The following AIG1 variants were observed in gnomAD, a reference collection of about 807,000 sequenced individuals.
The protein encoded by AIG1 is androgen-induced gene 1 protein.
Under a neutral mutation model 31.4 loss-of-function variants are expected in AIG1, and 23 were observed. The observed-to-expected ratio is 0.73, with a 90% CI of 0.53 to 1.04. The LOEUF (loss-of-function observed/expected upper bound fraction) is 1.04, where lower values mean the gene tolerates loss of function less well. Among genes scored for constraint, AIG1 ranks in the 50% least tolerant of loss-of-function variants. The pLI, the probability that AIG1 is intolerant of heterozygous loss-of-function variation, is 0.00. For synonymous variants in AIG1, 100 were observed against 110.5 expected (o/e 0.90, Z 0.60); for missense variants, 274 against 295.0 (o/e 0.93, Z 0.52).
At position 143,291,901 on chromosome 6, in the gene AIG1, G is replaced by C. The variant is rs549241452; in HGVS notation, c.515+7676G>C. Among the ~76,000 whole-genome samples the C allele has an allele frequency of 2.0e-5, 3 of 152,306 alleles. No individual in the cohort carries two copies. The highest frequency in any genetic ancestry group is 2.0e-4 in the Admixed American group (3 of 15,296). ...GAAGGTTTGGACAGAGACTTGACAT[G>C]AACTGAGACATTTCTAAGGAATCAC... On this transcript the variant is annotated intron_variant, in intron 4 of 5. Coordinates refer to ENST00000357847, the MANE Select transcript of AIG1 (RefSeq NM_016108.4). This position sits in a 1 kb window ranked among gnomAD's most constrained non-coding sequence, Gnocchi z 4.2.
chr6:143,196,376 C>T (rs1790234958), intron 3 of AIG1, among the ~76,000 whole-genome samples: 1 of 149,982 alleles, frequency 6.7e-6, no homozygotes, highest in Non-Finnish European at 1.5e-5. Flanking sequence ...CACACACACA[C>T]ACACACACAC....
At chr6:143,160,919 T>C (rs564801380) in intron 2 of AIG1, among the ~76,000 whole-genome samples, 1 of 152,302 alleles carries the variant, frequency 6.6e-6, no homozygotes, top group East Asian at 1.9e-4. Flanking sequence ...ATTCCCTCAA[T>C]ATAAGGTAGG....
At chr6:143,083,297 T>C (rs973349393) in intron 1 of AIG1, among the ~76,000 whole-genome samples, 2 of 152,178 alleles carry the variant, frequency 1.3e-5, no homozygotes, top group African/African-American at 4.8e-5. Flanking sequence ...AGTGTCCAAG[T>C]ATGAGAACTG....
At chr6:143,250,029 C>T (rs1794904587) in intron 3 of AIG1, among the ~76,000 whole-genome samples, 1 of 152,232 alleles carries the variant, frequency 6.6e-6, no homozygotes, top group Non-Finnish European at 1.5e-5. Flanking sequence ...AAGGAAACTG[C>T]ATGTGTGGCA....
chr6:143,336,626 G>A (rs1777511901), intron 5 of AIG1, among the ~76,000 whole-genome samples: 1 of 152,200 alleles, frequency 6.6e-6, no homozygotes, highest in South Asian at 2.1e-4. Flanking sequence ...ACAGAGTTCA[G>A]CTCATAATAC....
At chr6:143,158,784 TA>T (rs1214529867) in intron 2 of AIG1, among the ~76,000 whole-genome samples, 1 of 152,136 alleles carries the variant, frequency 6.6e-6, no homozygotes, top group Non-Finnish European at 1.5e-5. Context: ...TTTAGGTCGA[TA>T]GGAAGAAAAG....
At chr6:143,188,833 C>T in intron 3 of AIG1, 1 of 985,188 alleles carries the variant, frequency 1.0e-6, no homozygotes, top group Non-Finnish European at 1.2e-6. Context: ...CAGAACATTC[C>T]TTTTTACACT....
At chr6:143,131,128 T>C (rs1238631380) in intron 1 of AIG1, among the ~76,000 whole-genome samples, 3 of 152,254 alleles carry the variant, frequency 2.0e-5, no homozygotes, top group Non-Finnish European at 4.4e-5. Context: ...TGCCTTTGCA[T>C]TGGAGAGCTT....
intron 1 of AIG1, among the ~76,000 whole-genome samples, chr6:143,071,962 AT>A (rs149137916): frequency 4.7e-5 from 7 of 148,364 alleles, no homozygotes; most frequent in African/African-American, 7.4e-5. Flanking sequence ...TTTTTTTTAA[AT>A]TTTTTTTTTG....
At chr6:143,282,143 T>G (rs1797378861) in intron 3 of AIG1, among the ~76,000 whole-genome samples, 2 of 152,176 alleles carry the variant, frequency 1.3e-5, no homozygotes, top group African/African-American at 4.8e-5. Flanking sequence ...ATACAACCAA[T>G]ATATATTTAT....
intron 3 of AIG1, among the ~76,000 whole-genome samples, chr6:143,214,356 A>G (rs1208722141): frequency 1.3e-5 from 2 of 152,190 alleles, no homozygotes; most frequent in African/African-American, 4.8e-5. Context: ...CAAGTCATTT[A>G]ACCTTTCTGA....
At chr6:143,117,206 G>A (rs576969085) in intron 1 of AIG1, among the ~76,000 whole-genome samples, 8 of 152,250 alleles carry the variant, frequency 5.3e-5, no homozygotes, top group East Asian at 3.9e-4. Flanking sequence ...GGAGCAGAGC[G>A]TGTATGGGGT....
At chr6:143,122,649 G>A (rs1001589393) in intron 1 of AIG1, among the ~76,000 whole-genome samples, 3 of 152,080 alleles carry the variant, frequency 2.0e-5, no homozygotes, top group African/African-American at 7.2e-5. Flanking sequence ...ACAATTTACA[G>A]TAACATAATG....
chr6:143,068,027 G>A (rs989623504), intron 1 of AIG1, among the ~76,000 whole-genome samples: 3 of 152,098 alleles, frequency 2.0e-5, no homozygotes, highest in Non-Finnish European at 2.9e-5. Flanking sequence ...CATAAAATAG[G>A]GGCCTGGTTT....
intron 1 of AIG1, among the ~76,000 whole-genome samples, chr6:143,105,486 T>C (rs1477452115): frequency 1.3e-5 from 2 of 152,240 alleles, no homozygotes; most frequent in Non-Finnish European, 2.9e-5. Flanking sequence ...CTGGAATGCT[T>C]TTCTCAAGCT....
chr6:143,302,854 G>T (rs543915658), intron 4 of AIG1, among the ~76,000 whole-genome samples: 1 of 152,320 alleles, frequency 6.6e-6, no homozygotes, highest in South Asian at 2.1e-4. Context: ...GTGTAAAAGT[G>T]TGCCTATTTC....
At chr6:143,235,989 G>A (rs1048165865) in intron 3 of AIG1, among the ~76,000 whole-genome samples, 2 of 152,208 alleles carry the variant, frequency 1.3e-5, no homozygotes, top group Admixed American at 6.5e-5. Flanking sequence ...GAAGGGAGGA[G>A]ATGAGAAGAC....
chr6:143,284,078 A>G lies in AIG1; in HGVS notation c.400-32A>G. The G allele has an allele frequency of 6.6e-7, 1 of 1,514,182 alleles. No homozygotes were observed. The highest frequency in any genetic ancestry group is 1.4e-5 in the African/African-American group (1 of 72,712). The allele number at this position is 1,514,182 out of a possible 1,614,324, so 93.8% of individuals were successfully genotyped here. ...CAACTATAGAGAGACAATGATAGCA[A>G]TCTGTGTCACCTAGTCTCTGTTATT... On this transcript the variant is annotated intron_variant, in intron 3 of 5. Transcript: ENST00000357847. The surrounding 1 kb of genome is among the most constrained non-coding windows in gnomAD (Gnocchi z 4.4).
intron 1 of AIG1, among the ~76,000 whole-genome samples, chr6:143,104,059 A>G (rs1173154945): frequency 1.3e-5 from 2 of 152,112 alleles, no homozygotes; most frequent in Non-Finnish European, 2.9e-5. Context: ...ATTTTAATCA[A>G]CCACAGACTT....
Sources: allele counts gnomAD v4.1 joint callset (sites outside exome capture counted in the v4.1 genomes callset), GRCh38; gene constraint gnomAD v4.1.1; non-coding constraint Gnocchi (gnomAD v3.1); transcripts MANE v1.5; gene names NCBI Gene and HGNC (gene_info 2026-07-23, HGNC 2026-07-21).